ZYG11B: variants seen among roughly 807,000 people sequenced by gnomAD.
ZYG11B encodes zyg-11 family member B, cell cycle regulator.
In ZYG11B, 36 loss-of-function variants were observed where a neutral mutation model predicts 82.4. The ratio of observed to expected loss-of-function variants is 0.44; its 90% CI spans 0.33 to 0.58. ZYG11B has a LOEUF of 0.58. ZYG11B is among the 20% of genes least tolerant of loss of function. The pLI is 0.02. For synonymous variants in ZYG11B, 303 were observed against 312.8 expected, an observed-to-expected ratio of 0.97 and a Z score of 0.33; for missense variants, 552 against 895.6, an observed-to-expected ratio of 0.62 and a Z score of 4.90.
chr1:52,753,929 C>T (rs536093707), intron 1 of ZYG11B, among the ~76,000 whole-genome samples: 1 of 152,226 alleles, frequency 6.6e-6, no homozygotes, highest in Non-Finnish European at 1.5e-5. Context: ...CAGGGTTTTA[C>T]CATGTTGGCC....
chr1:52,780,564 G>A (rs774593535), intron 4 of ZYG11B, among the ~76,000 whole-genome samples: 1 of 152,112 alleles, frequency 6.6e-6, no homozygotes, highest in Non-Finnish European at 1.5e-5. Context: ...ACTTTTCCAT[G>A]CTGTTTAGAA....
At chr1:52,790,093 G>A in intron 6 of ZYG11B, 26 bp downstream of exon 6, 1 of 1,527,646 alleles carries the variant, frequency 6.5e-7, no homozygotes. Context: ...AGAACTTAAA[G>A]TGGGGCAAAA....
chr1:52,817,775 GTGTATATATA>G (rs1181956679), intron 13 of ZYG11B, among the ~76,000 whole-genome samples: 872 of 32,540 alleles, frequency 0.027, 73 homozygotes, highest in East Asian at 0.23. Flanking sequence ...GTATATATAT[GTGTATATATA>G]TATATATATA....
At chr1:52,755,756 C>T (rs1310311220) in intron 1 of ZYG11B, among the ~76,000 whole-genome samples, 3 of 152,150 alleles carry the variant, frequency 2.0e-5, no homozygotes, top group Admixed American at 6.5e-5. Flanking sequence ...CCACCTGCCT[C>T]GGCCTCCCAA....
At chr1:52,741,298 C>CAAAAAAAAAAAAA (rs770092920) in intron 1 of ZYG11B, among the ~76,000 whole-genome samples, 23 of 72,180 alleles carry the variant, frequency 3.2e-4, no homozygotes, top group African/African-American at 8.5e-4. Context: ...GACTTCGTCT[C>CAAAAAAAAAAAAA]AAAAAAAAAA....
At chr1:52,733,759 T>C (rs2149917500) in intron 1 of ZYG11B, among the ~76,000 whole-genome samples, 1 of 152,332 alleles carries the variant, frequency 6.6e-6, no homozygotes, top group African/African-American at 2.4e-5. Flanking sequence ...AATGTACTTA[T>C]ATTTCTTGTC....
chr1:52,803,097 TAC>T (rs371196711), intron 10 of ZYG11B, among the ~76,000 whole-genome samples: 26,194 of 43,740 alleles, frequency 0.6, 6,483 homozygotes, highest in East Asian at 0.74. Context: ...CATATATATA[TAC>T]ATATATATAT....
chr1:52,821,708 T>A lies in ZYG11B; in HGVS notation c.*79T>A. ...ATTTGGAATATCTTACCCTCCCTGATGTTTTGGGGGTTTCTATGACAAGAG... is the reference window on the plus strand; with the variant it reads ...ATTTGGAATATCTTACCCTCCCTGAAGTTTTGGGGGTTTCTATGACAAGAG... On this transcript the variant is annotated 3_prime_UTR_variant, in exon 14 of 14. Coordinates refer to ENST00000294353, the MANE Select transcript of ZYG11B (RefSeq NM_024646.3). The A allele has an allele frequency of 2.9e-6, 4 of 1,371,320 alleles. No individual in the cohort carries two copies. The highest frequency in any genetic ancestry group is 1.5e-5 in the South Asian group (1 of 68,574). The allele number at this position is 1,371,320 out of a possible 1,614,324, so 84.9% of individuals were successfully genotyped here. A position where few individuals can be genotyped will look rare whatever the true frequency, so the allele number is the denominator to read the frequency against.
chr1:52,802,276 A>G (rs1645081117), intron 10 of ZYG11B, 137 bp downstream of exon 10: 8 of 639,714 alleles, frequency 1.3e-5, no homozygotes, highest in African/African-American at 3.7e-5. Context: ...ATTGAGAACT[A>G]TTCCCAATAC....
rs746861491 is a variant in ZYG11B, at chr1:52,785,056, A to G, written c.1269+3A>G. ...AACATTTTCCCAATCACCAGCAGGT[A>G]AGCTTATGTGAATTCCTTTTCAAAT... On this transcript the variant is annotated splice_donor_region_variant and intron_variant, in intron 5 of 13. Coordinates refer to ENST00000294353, the MANE Select transcript of ZYG11B (RefSeq NM_024646.3). 1.2e-6 allele frequency: 2 copies of G among 1,612,524 alleles called. No individual in the cohort carries two copies. Among genetic ancestry groups the G allele is most frequent in the Non-Finnish European group, 1.7e-6 (2 of 1,179,638 alleles).
At chr1:52,727,100 T>G (rs973879395) in intron 1 of ZYG11B, among the ~76,000 whole-genome samples, 4 of 151,992 alleles carry the variant, frequency 2.6e-5, no homozygotes, top group African/African-American at 9.7e-5. Flanking sequence ...TTCTCACCCC[T>G]CTTCACCATT....
At chr1:52,749,381 G>A (rs1644502780) in intron 1 of ZYG11B, among the ~76,000 whole-genome samples, 1 of 152,146 alleles carries the variant, frequency 6.6e-6, no homozygotes, top group Admixed American at 6.6e-5. Context: ...TTTGGGGCAG[G>A]GAGAAGGGAA....
rs974612711 is a variant in ZYG11B, at chr1:52,825,728, T to G, written c.*4099T>G. On this transcript the variant is annotated 3_prime_UTR_variant, in exon 14 of 14. Coordinates refer to ENST00000294353, the MANE Select transcript of ZYG11B (RefSeq NM_024646.3). ...GTTGCCCAGGCTGGTCTCGAACTCC[T>G]GGCCTCAAGTGACTTTCCCACCTCA... 8.6e-5 allele frequency: 13 copies of G among 150,622 alleles called. No homozygotes were observed. Among genetic ancestry groups the G allele is most frequent in the African/African-American group, 3.2e-4 (13 of 40,988 alleles). The allele number at this position is 150,622 out of a possible 1,614,324, so 9.3% of individuals were successfully genotyped here. A position where few individuals can be genotyped will look rare whatever the true frequency, so the allele number is the denominator to read the frequency against.
rs547549030 is a variant in ZYG11B at position 52,749,677 on chromosome 1, C to G, written c.31-6781C>G. On this transcript the variant is annotated intron_variant, in intron 1 of 13. Transcript: ENST00000294353. ...GGAGTGCAATGGTGCGATCTTGGCT[C>G]ACCGCAACCTCCGCCTCCCGGGTTG... Among the ~76,000 whole-genome samples, 3 of 152,120 alleles carry G rather than the reference C, an allele frequency of 2.0e-5. No homozygotes were observed. In the South Asian group the frequency reaches 6.2e-4, roughly 32 times the overall value.
In ZYG11B at chr1:52,783,856, G is replaced by GCGTA. The variant is rs74220604; in HGVS notation, c.1093-1021_1093-1020insCGTA. 1.3e-3 allele frequency among the ~76,000 whole-genome samples: 175 copies of GCGTA among 135,456 alleles called. 4 individuals are homozygous for GCGTA. Among genetic ancestry groups the GCGTA allele is most frequent in the Middle Eastern group, 0.012 (3 of 242 alleles). The allele number at this position is 135,456 out of a possible 152,430, so 88.9% of individuals were successfully genotyped here. ...CGTGTGTATATGTACATACACGTGT[G>GCGTA]TGTGTATGTACATACACGTGTGTGT... On this transcript the variant is annotated intron_variant, in intron 4 of 13. Transcript: ENST00000294353.
At chr1:52,773,805 G>T (rs1294071459) in intron 3 of ZYG11B, among the ~76,000 whole-genome samples, 1 of 150,430 alleles carries the variant, frequency 6.6e-6, no homozygotes, top group Non-Finnish European at 1.5e-5. Flanking sequence ...ACCATGCCCG[G>T]CTAAGTTTTT....
At chr1:52,741,298 C>CAAAAAA (rs770092920) in intron 1 of ZYG11B, among the ~76,000 whole-genome samples, 22,093 of 71,078 alleles carry the variant, frequency 0.31, 3,846 homozygotes, top group East Asian at 0.47. Context: ...GACTTCGTCT[C>CAAAAAA]AAAAAAAAAA....
At chr1:52,755,914 C>T (rs1644571966) in intron 1 of ZYG11B, among the ~76,000 whole-genome samples, 1 of 152,198 alleles carries the variant, frequency 6.6e-6, no homozygotes, top group Admixed American at 6.6e-5. Context: ...ATTCTCCTGC[C>T]TCAGCCTCCT....
chr1:52,745,842 G>T (rs549404776), intron 1 of ZYG11B, among the ~76,000 whole-genome samples: 1 of 148,892 alleles, frequency 6.7e-6, no homozygotes, highest in African/African-American at 2.5e-5. Flanking sequence ...GGGATTACAG[G>T]TGTGAGCCAC....
Sources: gnomAD v4.1 joint callset for allele counts (sites outside exome capture counted in the v4.1 genomes callset) on GRCh38, gnomAD v4.1.1 for gene constraint, MANE v1.5 for transcripts, NCBI Gene and HGNC (gene_info 2026-07-23, HGNC 2026-07-21) for gene names.